Variants in RPAP1 observed in about 807,000 individuals in gnomAD.
The protein encoded by RPAP1 is RNA polymerase II associated protein 1.
In RPAP1, 109 loss-of-function variants were observed where a neutral mutation model predicts 142.4. The ratio of observed to expected loss-of-function variants is 0.77; its 90% confidence interval spans 0.66 to 0.90. RPAP1 has a LOEUF of 0.90. Ranked by LOEUF, RPAP1 falls within the 40% of genes least tolerant of loss-of-function variation. RPAP1 has a pLI of 0.00. For synonymous variants in RPAP1, 704 were observed against 738.9 expected (o/e 0.95, Z 0.77); for missense variants, 1,546 against 1,751.7 (o/e 0.88, Z 2.10).
intron 10 of RPAP1, 47 bp downstream of exon 10, chr15:41,528,188 T>G (rs566067084): frequency 1.3e-6 from 2 of 1,541,968 alleles, no homozygotes; most frequent in African/African-American, 2.7e-5. Flanking sequence ...TCTGAGGCTG[T>G]GGGGTGAAGG....
At position 41,524,376 on chromosome 15, in the gene RPAP1, C is replaced by T. The variant is rs1256415630; in HGVS notation, c.2076-122G>A. Reference sequence around the variant, plus strand: ...AGGAGGATGAGGAGGAAGAGTGGGGCACTCTTGGAAGGCTCAGCCCTAAAG... The same window carrying T: ...AGGAGGATGAGGAGGAAGAGTGGGGTACTCTTGGAAGGCTCAGCCCTAAAG... On this transcript the variant is annotated intron_variant, in intron 15 of 24. Transcript: ENST00000304330. 7 of 816,668 alleles carry T rather than the reference C, an allele frequency of 8.6e-6. No homozygotes were observed. In the East Asian group the frequency reaches 1.4e-4, roughly 16 times the overall value. The allele number at this position is 816,668 out of a possible 1,614,324, so 50.6% of individuals were successfully genotyped here. A position where few individuals can be genotyped will look rare whatever the true frequency, so the allele number is the denominator to read the frequency against.
chr15:41,530,044 C>A (rs2051833031), intron 7 of RPAP1, 65 bp from the exon 8 acceptor site: 2 of 1,222,522 alleles, frequency 1.6e-6, no homozygotes, highest in Non-Finnish European at 2.4e-6. Context: ...GGGGTCCCCA[C>A]CATCACCCAG....
chr15:41,540,233 C>T (rs1458714965), intron 1 of RPAP1, among the ~76,000 whole-genome samples: 1 of 151,992 alleles, frequency 6.6e-6, no homozygotes, highest in African/African-American at 2.4e-5. Flanking sequence ...GCACCACATA[C>T]TGTTCTCTAA....
intron 6 of RPAP1, among the ~76,000 whole-genome samples, chr15:41,534,399 C>G (rs2051886230): frequency 6.8e-6 from 1 of 147,130 alleles, no homozygotes; most frequent in South Asian, 2.2e-4. Flanking sequence ...GCCTAGGCAA[C>G]AAGAGTGAAA....
In RPAP1 at chr15:41,520,852, G is replaced by A. The variant is rs753305566; in HGVS notation, c.3334C>T (p.Arg1112Trp). 15 of 1,613,916 alleles carry A rather than the reference G, an allele frequency of 9.3e-6. No individual in the cohort carries two copies. The highest frequency in any genetic ancestry group is 1.6e-4 in the Middle Eastern group (1 of 6,062). Reference protein sequence around the residue: ...PFLPLIRLYHRASDTPSGLSP... With the variant: ...PFLPLIRLYHWASDTPSGLSP... ...AGTCCCGAGGGGGTGTCTGAAGCCC[G>A]GTGGTAGAGGCGAATCAGTGGCAGG... The change falls in exon 22 of 25, where the codon CGG becomes TGG. Residue 1112 changes from arginine (R) to tryptophan (W), a missense_variant. By Grantham distance (101) the Arg-to-Trp change is moderately radical. This residue lies in a region of RPAP1 where 1,333 missense variants were observed against 1,486.6 expected (regional missense o/e 0.90). Transcript: ENST00000304330.
rs780871774 is a variant in RPAP1, at chr15:41,525,099, G to A, written c.1967C>T (p.Ala656Val). The A allele has an allele frequency of 6.2e-6, 10 of 1,613,798 alleles. No homozygotes were observed. The South Asian group carries it at 1.1e-4, about 18-fold the overall frequency. ...RSRLCRIIAE[A>V]PQELALPPEE... ...TGGGGGCAAGGCCAGTTCTTGGGGA[G>A]CCTCAGCTATGATGCGGCACAGGCG... Residue 656 changes from alanine (A) to valine (V), a missense_variant, in exon 15 of 25, where the codon GCT becomes GTT. By Grantham distance (64) the Ala-to-Val change is moderately conservative. Transcript: ENST00000304330.
intron 6 of RPAP1, among the ~76,000 whole-genome samples, chr15:41,533,870 C>T (rs1486650964): frequency 6.7e-6 from 1 of 149,150 alleles, no homozygotes; most frequent in East Asian, 2.0e-4. Context: ...CGCAGTGGCT[C>T]CAGCACTTTG....
chr15:41,535,505 G>C lies in RPAP1; in HGVS notation c.541+7C>G. ...GCCAAGCCCAATCCTCTTCAACCCC[G>C]GCTCACCCTCTGGTGGGCCCACGTT... On this transcript the variant is annotated splice_region_variant and intron_variant, in intron 5 of 24. Transcript: ENST00000304330. 1 of 1,598,482 alleles carries C rather than the reference G, an allele frequency of 6.3e-7. No individual in the cohort carries two copies. The highest frequency in any genetic ancestry group is 8.5e-7 in the Non-Finnish European group (1 of 1,175,676).
At chr15:41,537,957 G>A (rs2051929767) in intron 1 of RPAP1, among the ~76,000 whole-genome samples, 1 of 151,276 alleles carries the variant, frequency 6.6e-6, no homozygotes, top group African/African-American at 2.4e-5. Flanking sequence ...GAAAACAATT[G>A]CATTGGCCGG....
chr15:41,532,961 A>G (rs1448277587), intron 6 of RPAP1, among the ~76,000 whole-genome samples: 1 of 138,854 alleles, frequency 7.2e-6, no homozygotes, highest in Non-Finnish European at 1.5e-5. Context: ...CCAGGACAAC[A>G]GAGCGAGACT....
chr15:41,537,296 G>A lies in RPAP1; in HGVS notation c.-76-95C>T. On this transcript the variant is annotated intron_variant, in intron 1 of 24. Transcript: ENST00000304330. Reference sequence around the variant, plus strand: ...ATCTTCTTTATCCTTGGGTTAACATGAACTCATTCCTCCTCATTCATACCT... The same window carrying A: ...ATCTTCTTTATCCTTGGGTTAACATAAACTCATTCCTCCTCATTCATACCT... 1.1e-5 allele frequency: 7 copies of A among 649,736 alleles called. No homozygotes were observed. The South Asian group carries it at 1.4e-4, about 13-fold the overall frequency. 40.2% of individuals were successfully genotyped at this position (649,736 alleles called of 1,614,324 possible).
rs1252396371 is a variant in RPAP1, at chr15:41,529,949, T to C, written c.974A>G (p.Glu325Gly). ...CTCGACAGTGTCCATGTGCAGCCATTCTTTCTGAGGGGTCACGGGCAATGC... is the reference window on the plus strand; with the variant it reads ...CTCGACAGTGTCCATGTGCAGCCATCCTTTCTGAGGGGTCACGGGCAATGC... ...ALALPVTPQK[E>G]WLHMDTVELE... The change falls in exon 8 of 25, where the codon GAA (glutamate) becomes GGA (glycine). Residue 325 changes from glutamate (E) to glycine (G), a missense_variant. Glu to Gly is a moderately conservative substitution (Grantham distance 98). This residue lies in a region of RPAP1 where 1,333 missense variants were observed against 1,486.6 expected (regional missense o/e 0.90). Transcript: ENST00000304330. 1 of 1,614,056 alleles carries C rather than the reference T, an allele frequency of 6.2e-7. No homozygotes were observed. Among genetic ancestry groups the C allele is most frequent in the African/African-American group, 1.3e-5 (1 of 74,926 alleles).
At chr15:41,530,001 G>C in intron 7 of RPAP1, 22 bp from the exon 8 acceptor site, 1 of 1,596,850 alleles carries the variant, frequency 6.3e-7, no homozygotes, top group Non-Finnish European at 8.6e-7. Context: ...AAGCATGATA[G>C]TATTACCCAA....
Position 41,524,233 on chromosome 15 carries a change from C to T in RPAP1, c.2097G>A (p.Met699Ile), listed in dbSNP as rs1454437998. The T allele has an allele frequency of 6.5e-7, 1 of 1,545,504 alleles. No homozygotes were observed. Among genetic ancestry groups the T allele is most frequent in the Admixed American group, 2.0e-5 (1 of 49,410 alleles). ...CCCGCGGCACCACCTGCAAGGCCCGCATCAGCACTGGGTAGAGCTCCCTAG... is the reference window on the plus strand; with the variant it reads ...CCCGCGGCACCACCTGCAAGGCCCGTATCAGCACTGGGTAGAGCTCCCTAG... The part of the protein sequence containing the change: ...YLYRELYPVL[M>I]RALQVVPREL... The change falls in exon 16 of 25, where the codon ATG (methionine) becomes ATA (isoleucine). Residue 699 changes from methionine to isoleucine, a missense_variant. This residue lies in a region of RPAP1 where 1,333 missense variants were observed against 1,486.6 expected (regional missense o/e 0.90). Coordinates refer to ENST00000304330, the MANE Select transcript of RPAP1 (RefSeq NM_015540.4).
At chr15:41,540,893 T>G (rs2051965696) in intron 1 of RPAP1, among the ~76,000 whole-genome samples, 1 of 152,132 alleles carries the variant, frequency 6.6e-6, no homozygotes, top group African/African-American at 2.4e-5. Context: ...GCTGGGTAAT[T>G]CTTTGCTGTG....
intron 6 of RPAP1, among the ~76,000 whole-genome samples, chr15:41,531,619 ATATATATATTTTTT>A (rs2051849791): frequency 3.7e-5 from 1 of 27,258 alleles, no homozygotes; most frequent in African/African-American, 1.3e-4. Context: ...ATATATATAT[ATATATATATTTTTT>A]TTTTTTTTTT....
intron 7 of RPAP1, 53 bp from the exon 8 acceptor site, chr15:41,530,032 C>T: frequency 1.4e-6 from 2 of 1,414,664 alleles, no homozygotes; most frequent in South Asian, 2.4e-5. Flanking sequence ...TCACTATCCA[C>T]AGGGGTCCCC....
intron 1 of RPAP1, among the ~76,000 whole-genome samples, chr15:41,540,445 G>A (rs901249414): frequency 6.6e-6 from 1 of 152,054 alleles, no homozygotes; most frequent in East Asian, 1.9e-4. Flanking sequence ...GGGATTATAG[G>A]CATGTGCCAC....
At chr15:41,532,920 A>C (rs1298844638) in intron 6 of RPAP1, among the ~76,000 whole-genome samples, 2 of 141,396 alleles carry the variant, frequency 1.4e-5, no homozygotes, top group Non-Finnish European at 3.0e-5. Flanking sequence ...TACAGGTTGC[A>C]GTGAGCTGAG....
Sources: gnomAD v4.1 joint callset for allele counts (sites outside exome capture counted in the v4.1 genomes callset) on GRCh38, gnomAD v4.1.1 for gene constraint, gnomAD v4.1.1 regional missense constraint, MANE v1.5 for transcripts, NCBI Gene and HGNC (gene_info 2026-07-23, HGNC 2026-07-21) for gene names.